Variants in MIA2 observed in about 807,000 individuals in gnomAD.
MIA2 encodes melanoma inhibitory activity protein 2.
Under a neutral mutation model 167.8 loss-of-function variants are expected in MIA2, and 127 were observed. The observed-to-expected ratio is 0.76, with a 90% CI of 0.66 to 0.88. The LOEUF is 0.88. Ranked by LOEUF, MIA2 falls within the 40% of genes least tolerant of loss-of-function variation. MIA2 has a pLI of 0.00. For missense variants in MIA2, 1,690 were observed against 1,624.7 expected (o/e 1.04, Z -0.69); for synonymous variants, 552 against 541.9 (o/e 1.02, Z -0.26).
intron 1 of MIA2, 30 bp from the exon 2 acceptor site, chr14:39,236,892 T>C (rs763745366): frequency 6.4e-7 from 1 of 1,573,550 alleles, no homozygotes; most frequent in Non-Finnish European, 8.7e-7. Flanking sequence ...TAATTTAAAG[T>C]GTGTATTTTT....
chr14:39,319,858 A>C (rs1427974147), intron 23 of MIA2, among the ~76,000 whole-genome samples: 1 of 152,072 alleles, frequency 6.6e-6, no homozygotes, highest in African/African-American at 2.4e-5. Context: ...AGTGATCTCA[A>C]ACTATTGCAA....
Position 39,333,044 on chromosome 14 carries a change from T to G in MIA2, c.3655+6022T>G, listed in dbSNP as rs1175504125. 2.6e-5 allele frequency among the ~76,000 whole-genome samples: 4 copies of G among 152,166 alleles called. No homozygotes were observed. In the East Asian group the frequency reaches 7.7e-4, roughly 29 times the overall value. On this transcript the variant is annotated intron_variant, in intron 25 of 28. Coordinates refer to ENST00000640607, the MANE Select transcript of MIA2 (RefSeq NM_001329214.4). ...TATAATTTGATTTATCTGCTGAGTTTTTTATCTTTTTATTCATTATAAGCA... is the reference window on the plus strand; with the variant it reads ...TATAATTTGATTTATCTGCTGAGTTGTTTATCTTTTTATTCATTATAAGCA...
intron 2 of MIA2, among the ~76,000 whole-genome samples, chr14:39,238,413 T>A (rs900370669): frequency 2.6e-5 from 4 of 151,706 alleles, no homozygotes; most frequent in Non-Finnish European, 5.9e-5. Context: ...CCTCAGGTGA[T>A]CCACCTGCCT....
chr14:39,360,491 TGTC>T (rs1213665825), intron 23 of MIA2, among the ~76,000 whole-genome samples: 1 of 134,988 alleles, frequency 7.4e-6, no homozygotes, highest in African/African-American at 2.9e-5. Flanking sequence ...TTGTTGTTGT[TGTC>T]TTTTGTTCTT....
At chr14:39,278,836 C>A (rs901312741) in intron 7 of MIA2, among the ~76,000 whole-genome samples, 1 of 152,088 alleles carries the variant, frequency 6.6e-6, no homozygotes, top group Non-Finnish European at 1.5e-5. Flanking sequence ...TGCTAATTCA[C>A]AATGTGAATC....
intron 23 of MIA2, among the ~76,000 whole-genome samples, chr14:39,359,040 C>T (rs998898635): frequency 6.6e-6 from 1 of 152,198 alleles, no homozygotes; most frequent in Non-Finnish European, 1.5e-5. Context: ...TCTCAGATCT[C>T]AAGCTGCATG....
At chr14:39,267,395 C>A (rs1004275713) in intron 6 of MIA2, 1 of 1,606,998 alleles carries the variant, frequency 6.2e-7, no homozygotes, top group South Asian at 1.1e-5. Flanking sequence ...GTGTGTTCTC[C>A]GCCGTTTATT....
chr14:39,293,018 C>G (rs893285671), intron 10 of MIA2, among the ~76,000 whole-genome samples: 1 of 151,998 alleles, frequency 6.6e-6, no homozygotes, highest in African/African-American at 2.4e-5. Context: ...GCTTTTGTTT[C>G]TCACTGCAGT....
chr14:39,279,298 ATTTGT>A (rs777610940), intron 7 of MIA2, 34 bp from the exon 8 acceptor site: 1 of 1,562,160 alleles, frequency 6.4e-7, no homozygotes, highest in Non-Finnish European at 8.7e-7. Flanking sequence ...TTGAGAGCGT[ATTTGT>A]TTTAATGTAA....
chr14:39,381,587 G>A (rs1004739431), intron 23 of MIA2, among the ~76,000 whole-genome samples: 4 of 151,998 alleles, frequency 2.6e-5, no homozygotes, highest in African/African-American at 7.2e-5. Flanking sequence ...AAGCTCTTTC[G>A]GTTTCGCTTG....
intron 23 of MIA2, among the ~76,000 whole-genome samples, chr14:39,362,511 C>T (rs2074706096): frequency 6.6e-6 from 1 of 152,050 alleles, no homozygotes; most frequent in Non-Finnish European, 1.5e-5. Flanking sequence ...TTTTATATTT[C>T]TGTGCTATCA....
chr14:39,277,726 A>ATATATATATATATATGTGTG lies in MIA2; in HGVS notation c.2019+676_2019+677insGTGTGTATATATATATATAT, dbSNP rs2058313654. 6.2e-3 allele frequency among the ~76,000 whole-genome samples: 24 copies of ATATATATATATATATGTGTG among 3,900 alleles called. 6 individuals are homozygous for ATATATATATATATATGTGTG. The highest frequency in any genetic ancestry group is 0.011 in the Non-Finnish European group (20 of 1,772). The allele number at this position is 3,900 out of a possible 152,430, so 2.6% of individuals were successfully genotyped here. ...TATATATATATATATGTGTGTATAT[A>ATATATATATATATATGTGTG]TATATATATATATATATGTGTGTAT... On this transcript the variant is annotated intron_variant, in intron 7 of 28. Transcript: ENST00000640607.
intron 11 of MIA2, 126 bp downstream of exon 11, chr14:39,293,507 G>C: frequency 1.6e-6 from 1 of 632,176 alleles, no homozygotes; most frequent in Non-Finnish European, 2.6e-6. Flanking sequence ...TGGTTGTAGA[G>C]AGCAAAATTT....
chr14:39,243,399 T>G (rs1051274528), intron 3 of MIA2, among the ~76,000 whole-genome samples: 1 of 152,238 alleles, frequency 6.6e-6, no homozygotes, highest in Non-Finnish European at 1.5e-5. Flanking sequence ...TTGACTCATT[T>G]AATCCTCACG....
Position 39,234,011 on chromosome 14 carries a change from A to T in MIA2, c.-104A>T, listed in dbSNP as rs1417871698. On this transcript the variant is annotated 5_prime_UTR_variant, in exon 1 of 29. Coordinates refer to ENST00000640607, the MANE Select transcript of MIA2 (RefSeq NM_001329214.4). ...TTAAAACTTCAACCCTTTTTCTCTT[A>T]TAGTTAGTGAAGAGAGTAGAATATC... is the stretch of plus-strand genomic sequence containing the variant. 3 of 588,642 alleles carry T rather than the reference A, an allele frequency of 5.1e-6. No homozygotes were observed. The highest frequency in any genetic ancestry group is 3.7e-5 in the Admixed American group (1 of 27,192). The allele number at this position is 588,642 out of a possible 1,614,324, so 36.5% of individuals were successfully genotyped here.
At chr14:39,343,645 A>G (rs904676802) in intron 25 of MIA2, among the ~76,000 whole-genome samples, 4 of 151,900 alleles carry the variant, frequency 2.6e-5, no homozygotes. Context: ...CATGTCTTCT[A>G]TTATAAGCGT....
intron 25 of MIA2, among the ~76,000 whole-genome samples, chr14:39,341,324 GAATA>G (rs932525842): frequency 1.2e-3 from 184 of 151,576 alleles, no homozygotes; most frequent in African/African-American, 3.8e-3. Flanking sequence ...ATAAATAAAT[GAATA>G]AATAAATAAA....
At chr14:39,364,858 T>TC (rs1457716231) in intron 23 of MIA2, among the ~76,000 whole-genome samples, 2 of 151,702 alleles carry the variant, frequency 1.3e-5, no homozygotes, top group Non-Finnish European at 2.9e-5. Context: ...AACTAGATTT[T>TC]TTTTTCTTGT....
At position 39,386,807 on chromosome 14, in the gene MIA2, A is replaced by T. The variant is rs17109165; in HGVS notation, c.2249-78A>T. 8.2e-3 allele frequency: 8,195 copies of T among 1,004,792 alleles called. 427 individuals carry two copies. In the African/African-American group the frequency reaches 0.11, roughly 14 times the overall value. The allele number at this position is 1,004,792 out of a possible 1,614,324, so 62.2% of individuals were successfully genotyped here. ...TTCTAAGTGATAGATTAGTGTCACC[A>T]TTACTGATGACCATAGAATTCTCAG... On this transcript the variant is annotated intron_variant, in intron 23 of 23. Transcript: ENST00000341502.
Sources: gnomAD v4.1 joint callset for allele counts (sites outside exome capture counted in the v4.1 genomes callset) on GRCh38, gnomAD v4.1.1 for gene constraint, MANE v1.5 for transcripts, NCBI Gene and HGNC (gene_info 2026-07-23, HGNC 2026-07-21) for gene names.